The following IMPACT variants were observed in gnomAD, a reference collection of about 807,000 sequenced individuals.
IMPACT encodes impact RWD domain protein.
In IMPACT, 35 loss-of-function variants were observed where a neutral mutation model predicts 47.5. The ratio of observed to expected loss-of-function variants is 0.74; its 90% CI spans 0.56 to 0.98. The LOEUF (loss-of-function observed/expected upper bound fraction) is 0.98, where lower values mean the gene tolerates loss of function less well. Ranked by LOEUF, IMPACT falls within the 50% of genes least tolerant of loss-of-function variation. The pLI is 0.00. For missense variants in IMPACT, 373 were observed against 394.8 expected (o/e 0.94, Z 0.47); for synonymous variants, 118 against 125.6 (o/e 0.94, Z 0.40).
intron 7 of IMPACT, among the ~76,000 whole-genome samples, chr18:24,443,812 T>C (rs1200336353): frequency 6.6e-6 from 1 of 152,214 alleles, no homozygotes; most frequent in African/African-American, 2.4e-5. Flanking sequence ...GGTCTTTGCC[T>C]TTCTCATTCT....
chr18:24,445,226 C>T (rs187727233), intron 7 of IMPACT, among the ~76,000 whole-genome samples, 167 bp from the exon 8 acceptor site: 32 of 152,256 alleles, frequency 2.1e-4, no homozygotes, highest in Admixed American at 1.4e-3. Context: ...GTACCAGTCT[C>T]TGCCCCTAAA....
At chr18:24,432,089 CAG>C (rs573009501) in intron 4 of IMPACT, among the ~76,000 whole-genome samples, 160 of 152,236 alleles carry the variant, frequency 1.1e-3, no homozygotes, top group African/African-American at 3.6e-3. Flanking sequence ...TGGCCTCAAG[CAG>C]TTCTCCTGCC....
At chr18:24,446,224 C>A (rs957499) in intron 8 of IMPACT, among the ~76,000 whole-genome samples, 1 of 152,110 alleles carries the variant, frequency 6.6e-6, no homozygotes, top group East Asian at 1.9e-4. Flanking sequence ...CCACCATGCC[C>A]GGCATAATTT....
At position 24,430,318 on chromosome 18, in the gene IMPACT, T is replaced by A; in HGVS notation, c.219-4T>A. The A allele has an allele frequency of 6.3e-7, 1 of 1,583,084 alleles. No homozygotes were observed. Among genetic ancestry groups the A allele is most frequent in the Non-Finnish European group, 8.6e-7 (1 of 1,163,578 alleles). ...ATCTTCTTAATTGTTTTATTTAATC[T>A]TAGTGCTCCTTGGCTTAAAGGGCAA... On this transcript the variant is annotated splice_polypyrimidine_tract_variant and splice_region_variant and intron_variant, in intron 3 of 10. Coordinates refer to ENST00000284202, the MANE Select transcript of IMPACT (RefSeq NM_018439.4).
intron 4 of IMPACT, among the ~76,000 whole-genome samples, chr18:24,434,056 T>C (rs766511344): frequency 6.6e-6 from 1 of 151,978 alleles, no homozygotes; most frequent in Non-Finnish European, 1.5e-5. Flanking sequence ...AAATTAAACA[T>C]GGGCCAGGTG....
rs1909395298 is a variant in IMPACT at position 24,451,834 on chromosome 18, CAG to C, written c.*993_*994del. ...CGGCTTTCTCAGTTCCAAGATTTTG[CAG>C]AGAGAAGGAGCAAACCTTTTCATTG... On this transcript the variant is annotated 3_prime_UTR_variant, in exon 11 of 11. Transcript: ENST00000284202. The C allele has an allele frequency of 6.6e-6, 1 of 152,170 alleles. No individual in the cohort carries two copies. The highest frequency in any genetic ancestry group is 2.4e-5 in the African/African-American group (1 of 41,438). 9.4% of individuals were successfully genotyped at this position (152,170 alleles called of 1,614,324 possible).
intron 9 of IMPACT, among the ~76,000 whole-genome samples, chr18:24,448,801 T>G (rs185406700): frequency 1.3e-5 from 2 of 152,298 alleles, no homozygotes; most frequent in African/African-American, 4.8e-5. Flanking sequence ...CCTAAAAAAA[T>G]TTTTCCTGGT....
At chr18:24,430,097 A>T (rs754850843) in intron 3 of IMPACT, among the ~76,000 whole-genome samples, 7 of 152,152 alleles carry the variant, frequency 4.6e-5, no homozygotes, top group Non-Finnish European at 7.4e-5. Flanking sequence ...CCATTAAAAC[A>T]GGGTAATTTT....
At chr18:24,444,355 T>C (rs1281926059) in intron 7 of IMPACT, among the ~76,000 whole-genome samples, 1 of 152,198 alleles carries the variant, frequency 6.6e-6, no homozygotes, top group Non-Finnish European at 1.5e-5. Flanking sequence ...GATTATAAAA[T>C]GATAAACAGA....
At chr18:24,428,073 C>T in intron 2 of IMPACT, 26 bp downstream of exon 2, 2 of 1,555,866 alleles carry the variant, frequency 1.3e-6, no homozygotes, top group Non-Finnish European at 8.6e-7. Context: ...TCCTTGCAGC[C>T]ATCTTTCAGT....
chr18:24,426,843 C>A, intron 1 of IMPACT, 51 bp downstream of exon 1: 3 of 1,205,862 alleles, frequency 2.5e-6, no homozygotes, highest in Non-Finnish European at 3.1e-6. Flanking sequence ...CGGCTCGCCT[C>A]GCCATGCCAG....
chr18:24,440,088 A>G (rs1909061266), intron 5 of IMPACT, among the ~76,000 whole-genome samples: 1 of 152,098 alleles, frequency 6.6e-6, no homozygotes, highest in Non-Finnish European at 1.5e-5. Context: ...TGAGGAAGGG[A>G]TGTCTCTTCC....
chr18:24,436,184 A>G (rs565403390), intron 4 of IMPACT, among the ~76,000 whole-genome samples: 4 of 152,162 alleles, frequency 2.6e-5, no homozygotes, highest in Non-Finnish European at 4.4e-5. Flanking sequence ...TCATCTGTAA[A>G]AAGGGGATAA....
rs538330608 is a variant in IMPACT at position 24,452,964 on chromosome 18, A to T, written c.*2117A>T. ...AATTTTTAAAGTTTTTTTTGTAAAG[A>T]TAGGGTCTTTCTATGTTGCCCAGGC... On this transcript the variant is annotated 3_prime_UTR_variant, in exon 11 of 11. Transcript: ENST00000284202. 1.3e-5 allele frequency: 2 copies of T among 152,144 alleles called. No individual in the cohort carries two copies. Among genetic ancestry groups the T allele is most frequent in the South Asian group, 2.1e-4 (1 of 4,818 alleles). 9.4% of individuals were successfully genotyped at this position (152,144 alleles called of 1,614,324 possible). A position where few individuals can be genotyped will look rare whatever the true frequency, so the allele number is the denominator to read the frequency against.
intron 1 of IMPACT, 97 bp downstream of exon 1, chr18:24,426,889 C>G: frequency 1.1e-6 from 1 of 885,030 alleles, no homozygotes; most frequent in South Asian, 5.7e-5. Flanking sequence ...CCTGGGGCCG[C>G]CCCGGGTTCC....
chr18:24,442,341 CGGGGGTT>C (rs1909138845), intron 6 of IMPACT, among the ~76,000 whole-genome samples: 1 of 151,660 alleles, frequency 6.6e-6, no homozygotes, highest in Non-Finnish European at 1.5e-5. Flanking sequence ...TTAGTAGAGA[CGGGGGTT>C]TCACCATGTT....
chr18:24,429,116 T>C (rs1291133563), intron 3 of IMPACT, among the ~76,000 whole-genome samples, 195 bp downstream of exon 3: 1 of 152,178 alleles, frequency 6.6e-6, no homozygotes, highest in African/African-American at 2.4e-5. Context: ...CCACTTAGTA[T>C]AAAAGAGAAT....
At chr18:24,432,823 C>T (rs888176657) in intron 4 of IMPACT, among the ~76,000 whole-genome samples, 10 of 152,046 alleles carry the variant, frequency 6.6e-5, no homozygotes, top group Non-Finnish European at 1.3e-4. Flanking sequence ...TGACCACTTC[C>T]TCCTCCTTGA....
intron 4 of IMPACT, among the ~76,000 whole-genome samples, chr18:24,430,690 G>A (rs1382969045): frequency 2.6e-5 from 4 of 152,058 alleles, no homozygotes; most frequent in African/African-American, 9.7e-5. Context: ...CTTGAACCCA[G>A]GAGTTTGAGA....
Sources: allele counts gnomAD v4.1 joint callset (sites outside exome capture counted in the v4.1 genomes callset), GRCh38; gene constraint gnomAD v4.1.1; transcripts MANE v1.5; gene names NCBI Gene and HGNC (gene_info 2026-07-23, HGNC 2026-07-21).